The following NCAPG2 variants were observed in gnomAD, a reference collection of about 807,000 sequenced individuals.
The protein encoded by NCAPG2 is non-SMC condensin II complex subunit G2.
A neutral mutation model predicts 141.1 loss-of-function variants in NCAPG2; 53 were observed. The ratio of observed to expected loss-of-function variants is 0.38; its 90% confidence interval spans 0.30 to 0.47. The LOEUF (loss-of-function observed/expected upper bound fraction) is 0.47, where lower values mean the gene tolerates loss of function less well. Ranked by LOEUF, NCAPG2 falls within the 20% of genes least tolerant of loss-of-function variation. The pLI is 0.99. For synonymous variants in NCAPG2, 499 were observed against 490.7 expected, an observed-to-expected ratio of 1.02 and a Z score of -0.22; for missense variants, 1,087 against 1,389.0, an observed-to-expected ratio of 0.78 and a Z score of 3.46.
At chr7:158,657,782 G>A (rs944687671) in intron 17 of NCAPG2, among the ~76,000 whole-genome samples, 5 of 152,166 alleles carry the variant, frequency 3.3e-5, no homozygotes, top group Non-Finnish European at 7.4e-5. Context: ...GTAGACATGG[G>A]AGACTTTTCA....
Position 158,656,718 on chromosome 7 carries a change from G to C in NCAPG2, c.2061-13C>G. ...AATCACACCACAGCTGAAAATGTCA[G>C]ACGGAAAATCGGACTGAGTATTTCA... is the stretch of plus-strand genomic sequence containing the variant. On this transcript the variant is annotated splice_polypyrimidine_tract_variant and intron_variant, in intron 17 of 27. Transcript: ENST00000356309. 1 of 1,612,442 alleles carries C rather than the reference G, an allele frequency of 6.2e-7. No individual in the cohort carries two copies. The highest frequency in any genetic ancestry group is 1.1e-5 in the South Asian group (1 of 90,764).
intron 27 of NCAPG2, among the ~76,000 whole-genome samples, chr7:158,637,348 A>T (rs948268746): frequency 6.6e-6 from 1 of 152,254 alleles, no homozygotes; most frequent in Admixed American, 6.5e-5. Context: ...AGGAGCCCAA[A>T]CCCACCCACC....
At chr7:158,687,542 T>G (rs1188353214) in intron 6 of NCAPG2, 100 bp from the exon 7 acceptor site, 1 of 834,700 alleles carries the variant, frequency 1.2e-6, no homozygotes, top group African/African-American at 1.7e-5. Context: ...ACATTGCTAT[T>G]GCTAAAAACG....
At chr7:158,672,063 G>A (rs1335118005) in intron 12 of NCAPG2, among the ~76,000 whole-genome samples, 1 of 151,890 alleles carries the variant, frequency 6.6e-6, no homozygotes, top group Non-Finnish European at 1.5e-5. Context: ...TACTGCATGA[G>A]GATTGGAGGG....
At chr7:158,675,329 TA>T in intron 12 of NCAPG2, 147 bp downstream of exon 12, 1 of 935,416 alleles carries the variant, frequency 1.1e-6, no homozygotes, top group Non-Finnish European at 1.5e-6. Context: ...ATTTGGTTTT[TA>T]AAAACCTTAC....
At position 158,686,195 on chromosome 7, in the gene NCAPG2, T is replaced by A. The variant is rs749419832; in HGVS notation, c.814A>T (p.Lys272Ter). 1 of 1,577,410 alleles carries A rather than the reference T, an allele frequency of 6.3e-7. No individual in the cohort carries two copies. The highest frequency in any genetic ancestry group is 1.2e-5 in the South Asian group (1 of 83,962). ...ACCTCCAGTATTTTCCCTGAAGCCT[T>A]TTTCCAAGCTCTGAAATAAATTTCT... is the stretch of plus-strand genomic sequence containing the variant. ...IAEIYFRAWK[K>*]ASGKILEAIE... Residue 272 changes from lysine (K) to a stop codon, truncating the protein, a stop_gained, in exon 8 of 28, where the codon AAG (lysine) becomes TAG (stop). Coordinates refer to ENST00000356309, the MANE Select transcript of NCAPG2 (RefSeq NM_017760.7). LOFTEE classifies it high-confidence loss of function.
intron 24 of NCAPG2, among the ~76,000 whole-genome samples, chr7:158,649,441 G>A (rs1831312965): frequency 6.6e-6 from 1 of 152,122 alleles, no homozygotes; most frequent in Admixed American, 6.5e-5. Flanking sequence ...AAAAAACACG[G>A]CAAATGGGCA....
At position 158,664,304 on chromosome 7, in the gene NCAPG2, G is replaced by C. The variant is rs1461351585; in HGVS notation, c.1703-8C>G. 6.2e-7 allele frequency: 1 copy of C among 1,600,594 alleles called. No individual in the cohort carries two copies. The highest frequency in any genetic ancestry group is 8.6e-7 in the Non-Finnish European group (1 of 1,167,892). ...TAACGTGAATCAGCTTTGCTGAAAT[G>C]TTTAGGATAAACAAGAATTAATGGA... On this transcript the variant is annotated splice_polypyrimidine_tract_variant and splice_region_variant and intron_variant, in intron 14 of 27. Transcript: ENST00000356309.
At position 158,687,426 on chromosome 7, in the gene NCAPG2, C is replaced by G. The variant is rs1251216043; in HGVS notation, c.689G>C (p.Ser230Thr). The change falls in exon 7 of 28, where the codon AGT (serine) becomes ACT (threonine). Residue 230 changes from serine to threonine, a missense_variant. Transcript: ENST00000356309. ...IKKEEGRRFL[S>T]CLFNWNINFI... Reference sequence around the variant, plus strand: ...GTTGATATTCCAGTTGAAGAGACAACTAAGAAATCTTCTTCCCTAGAAATA... The same window carrying G: ...GTTGATATTCCAGTTGAAGAGACAAGTAAGAAATCTTCTTCCCTAGAAATA... 3 of 1,603,698 alleles carry G rather than the reference C, an allele frequency of 1.9e-6. No homozygotes were observed.
At chr7:158,637,358 C>A (rs1385133756) in intron 27 of NCAPG2, among the ~76,000 whole-genome samples, 1 of 152,192 alleles carries the variant, frequency 6.6e-6, no homozygotes, top group African/African-American at 2.4e-5. Context: ...ACCCACCCAC[C>A]TGCTTTAGTG....
At chr7:158,662,391 T>G in intron 15 of NCAPG2, 24 bp from the exon 16 acceptor site, 1 of 1,528,474 alleles carries the variant, frequency 6.5e-7, no homozygotes, top group African/African-American at 1.4e-5. Context: ...AATTTTATTG[T>G]GAAAGGATCT....
chr7:158,696,172 G>A (rs1835431085), intron 2 of NCAPG2: 1 of 152,310 alleles, frequency 6.6e-6, no homozygotes, highest in Non-Finnish European at 1.5e-5. Context: ...GGTGTTGGAT[G>A]TCTGGCACTT....
Position 158,650,871 on chromosome 7 carries a change from G to A in NCAPG2, c.3036C>T (p.Ile1012=), listed in dbSNP as rs773988483. 6 of 1,613,530 alleles carry A rather than the reference G, an allele frequency of 3.7e-6. No homozygotes were observed. Among genetic ancestry groups the A allele is most frequent in the African/African-American group, 2.7e-5 (2 of 74,832 alleles). ...PVHRGVLSTL[I]AGPVVEISHQ... ...GACTTATCTCAACCACAGGCCCAGC[G>A]ATCAGAGTAGAAAGTACACCCCGGT... Residue 1012 remains isoleucine (I), a synonymous_variant, in exon 24 of 28, where the codon ATC becomes ATT. Coordinates refer to ENST00000356309, the MANE Select transcript of NCAPG2 (RefSeq NM_017760.7).
rs1332083828 is a variant in NCAPG2 at position 158,704,775 on chromosome 7, C to T, written c.-91G>A. 6.6e-6 allele frequency: 1 copy of T among 152,296 alleles called. No homozygotes were observed. Among genetic ancestry groups the T allele is most frequent in the Non-Finnish European group, 1.5e-5 (1 of 68,100 alleles). The allele number at this position is 152,296 out of a possible 1,614,324, so 9.4% of individuals were successfully genotyped here. A position where few individuals can be genotyped will look rare whatever the true frequency, so the allele number is the denominator to read the frequency against. Reference sequence around the variant, plus strand: ...GCGCTCGGACCAGATTCAAACGCACCCGCCGGCGCCCCAGACGGGCCCCGC... The same window carrying T: ...GCGCTCGGACCAGATTCAAACGCACTCGCCGGCGCCCCAGACGGGCCCCGC... On this transcript the variant is annotated 5_prime_UTR_variant, in exon 1 of 28. Transcript: ENST00000356309.
Position 158,686,177 on chromosome 7 carries a change from G to T in NCAPG2, c.832C>A (p.Leu278Met). The T allele has an allele frequency of 1.3e-6, 2 of 1,555,994 alleles. No homozygotes were observed. The highest frequency in any genetic ancestry group is 1.7e-6 in the Non-Finnish European group (2 of 1,146,684). The change falls in exon 8 of 28, where the codon CTG becomes ATG. Residue 278 changes from leucine to methionine, a missense_variant. Physicochemically the swap from Leu to Met is conservative, Grantham distance 15. Transcript: ENST00000356309. ...ATTTAAAAAAATGAAAATACCTCCA[G>T]TATTTTCCCTGAAGCCTTTTTCCAA... is the stretch of plus-strand genomic sequence containing the variant. ...RAWKKASGKI[L>M]EAIENDCIQD...
intron 23 of NCAPG2, 97 bp from the exon 24 acceptor site, chr7:158,651,069 C>T (rs1831455606): frequency 2.3e-6 from 3 of 1,280,362 alleles, no homozygotes; most frequent in Non-Finnish European, 2.1e-6. Context: ...ACTATCCTCC[C>T]CCAGGACTCA....
chr7:158,676,247 G>C (rs1033284180), intron 11 of NCAPG2, among the ~76,000 whole-genome samples: 4 of 152,182 alleles, frequency 2.6e-5, no homozygotes, highest in African/African-American at 9.6e-5. Flanking sequence ...CACACTAATG[G>C]CATCACAGGA....
At chr7:158,657,345 G>GC (rs1403493452) in intron 17 of NCAPG2, among the ~76,000 whole-genome samples, 1 of 152,180 alleles carries the variant, frequency 6.6e-6, no homozygotes, top group East Asian at 1.9e-4. Flanking sequence ...AGCTCAAATA[G>GC]CCAAAGCCCA....
intron 2 of NCAPG2, among the ~76,000 whole-genome samples, chr7:158,694,992 C>T (rs766109658): frequency 5.9e-5 from 9 of 152,124 alleles, no homozygotes; most frequent in Non-Finnish European, 1.3e-4. Context: ...CCTATAGACC[C>T]GACATTCAAT....
Sources: allele counts gnomAD v4.1 joint callset (sites outside exome capture counted in the v4.1 genomes callset), GRCh38; gene constraint gnomAD v4.1.1; transcripts MANE v1.5; gene names NCBI Gene and HGNC (gene_info 2026-07-23, HGNC 2026-07-21).